The following PRKAG2 variants were observed in gnomAD, a reference collection of about 807,000 sequenced individuals.
The protein encoded by PRKAG2 is protein kinase AMP-activated non-catalytic subunit gamma 2, also known as 5'-AMP-activated protein kinase subunit gamma-2.
A neutral mutation model predicts 69.6 loss-of-function variants in PRKAG2; 26 were observed. That is an observed-to-expected ratio of 0.37 (90% CI 0.27 to 0.52). The LOEUF (loss-of-function observed/expected upper bound fraction) is 0.52. Ranked by LOEUF, PRKAG2 falls within the 20% of genes least tolerant of loss-of-function variation. PRKAG2 has a pLI of 0.90. For missense variants in PRKAG2, 557 were observed against 740.0 expected (o/e 0.75, Z 2.87); for synonymous variants, 293 against 285.0 (o/e 1.03, Z -0.28).
intron 5 of PRKAG2, among the ~76,000 whole-genome samples, chr7:151,626,614 C>A (rs1355954049): frequency 6.6e-6 from 1 of 152,098 alleles, no homozygotes; most frequent in Non-Finnish European, 1.5e-5. Flanking sequence ...GATATCTCCA[C>A]CAGCAGAGGT....
chr7:151,819,132 C>T (rs2078712678), intron 1 of PRKAG2, among the ~76,000 whole-genome samples: 1 of 152,172 alleles, frequency 6.6e-6, no homozygotes, highest in African/African-American at 2.4e-5. Context: ...CTGGCCGGCC[C>T]GCAGCCCACC....
In PRKAG2 at chr7:151,876,716, C is replaced by A; in HGVS notation, c.-96G>T. The stretch of plus-strand genomic sequence containing the variant: ...TGCCTTCGGACTGGAGCCGCGCGCT[C>A]TGTTACACCCTGAAGCCACCTCGTG... On this transcript the variant is annotated 5_prime_UTR_variant, in exon 1 of 16. Coordinates refer to ENST00000287878, the MANE Select transcript of PRKAG2 (RefSeq NM_016203.4). 1 of 1,183,156 alleles carries A rather than the reference C, an allele frequency of 8.5e-7. No homozygotes were observed. Among genetic ancestry groups the A allele is most frequent in the South Asian group, 1.3e-5 (1 of 79,266 alleles). The allele number at this position is 1,183,156 out of a possible 1,614,324, so 73.3% of individuals were successfully genotyped here.
chr7:151,693,822 C>T (rs147546197), intron 3 of PRKAG2, among the ~76,000 whole-genome samples: 1 of 152,332 alleles, frequency 6.6e-6, no homozygotes, highest in African/African-American at 2.4e-5. Flanking sequence ...CAGAATCTAC[C>T]AGCACCTTGG....
intron 15 of PRKAG2, chr7:151,557,568 A>G (rs1201821360): frequency 2.0e-6 from 2 of 985,194 alleles, no homozygotes; most frequent in Non-Finnish European, 1.2e-6. Context: ...TCTTACAAAT[A>G]TGTATTAAAA....
chr7:151,573,965 G>A (rs1033835037), intron 8 of PRKAG2, among the ~76,000 whole-genome samples: 2 of 152,052 alleles, frequency 1.3e-5, no homozygotes, highest in Admixed American at 1.3e-4. Context: ...TTTTAGTAGA[G>A]ACAGGGTTTC....
chr7:151,834,831 G>A (rs766351980), intron 1 of PRKAG2, among the ~76,000 whole-genome samples: 142 of 152,206 alleles, frequency 9.3e-4, no homozygotes, highest in Non-Finnish European at 1.7e-3. Context: ...TCCGGAGCCC[G>A]GAAGTCCGAG....
intron 1 of PRKAG2, among the ~76,000 whole-genome samples, chr7:151,866,222 T>C (rs1288690868): frequency 6.6e-6 from 1 of 152,106 alleles, no homozygotes; most frequent in East Asian, 1.9e-4. Context: ...AGCCTCAGCC[T>C]GACCGTCCAG....
intron 3 of PRKAG2, among the ~76,000 whole-genome samples, chr7:151,746,206 G>A (rs1037188515): frequency 1.3e-5 from 2 of 152,172 alleles, no homozygotes; most frequent in African/African-American, 2.4e-5. Flanking sequence ...TAGGCGATGG[G>A]GCAGGATTTC....
chr7:151,773,028 A>AAAGAAAGAGG (rs767583881), intron 3 of PRKAG2, among the ~76,000 whole-genome samples: 6 of 50,890 alleles, frequency 1.2e-4, no homozygotes, highest in Non-Finnish European at 2.1e-4. Context: ...AAAGAAAGAG[A>AAAGAAAGAGG]GAGAGAGAGA....
chr7:151,713,379 A>G (rs1795623165), intron 3 of PRKAG2, among the ~76,000 whole-genome samples: 1 of 152,188 alleles, frequency 6.6e-6, no homozygotes, highest in African/African-American at 2.4e-5. Context: ...CTTGCAAGCC[A>G]GGCTGTGAAT....
At chr7:151,873,657 G>T (rs112963346) in intron 1 of PRKAG2, among the ~76,000 whole-genome samples, 17 of 152,286 alleles carry the variant, frequency 1.1e-4, no homozygotes, top group African/African-American at 3.9e-4. Context: ...GCTGGCTCAT[G>T]CCAAGAACGT....
At chr7:151,565,652 G>A in intron 12 of PRKAG2, 68 bp downstream of exon 12, 1 of 1,553,858 alleles carries the variant, frequency 6.4e-7, no homozygotes, top group Non-Finnish European at 8.9e-7. Context: ...CCTGTGCCAG[G>A]TCATCTTACA....
chr7:151,735,045 A>G lies in PRKAG2; in HGVS notation c.466+46107T>C, dbSNP rs949188677. Among the ~76,000 whole-genome samples the G allele has an allele frequency of 2.6e-5, 4 of 151,818 alleles. No homozygotes were observed. In the South Asian group the frequency reaches 8.3e-4, roughly 31 times the overall value. The stretch of plus-strand genomic sequence containing the variant: ...AATTTTTTGTATTTTTAGTAGAGAC[A>G]GGGTTTCACCATGTTGGCCAGGCTG... On this transcript the variant is annotated intron_variant, in intron 3 of 15. Transcript: ENST00000287878.
At position 151,850,144 on chromosome 7, in the gene PRKAG2, G is replaced by T. The variant is rs1325738880; in HGVS notation, c.114+26363C>A. Among the ~76,000 whole-genome samples the T allele has an allele frequency of 6.6e-6, 1 of 152,194 alleles. No individual in the cohort carries two copies. Among genetic ancestry groups the T allele is most frequent in the Non-Finnish European group, 1.5e-5 (1 of 68,036 alleles). ...ACAGGTGGCTCAGTGTCTGCAGAAA[G>T]AAGCGGGAGGGGGGTGCAGGGGAAC... is the stretch of plus-strand genomic sequence containing the variant. On this transcript the variant is annotated intron_variant, in intron 1 of 15. Coordinates refer to ENST00000287878, the MANE Select transcript of PRKAG2 (RefSeq NM_016203.4). The surrounding 1 kb of genome is among the most constrained non-coding windows in gnomAD (Gnocchi z 4.1).
intron 3 of PRKAG2, among the ~76,000 whole-genome samples, chr7:151,764,928 C>G (rs968448130): frequency 6.6e-6 from 1 of 152,238 alleles, no homozygotes; most frequent in African/African-American, 2.4e-5. Flanking sequence ...AAGATCATGG[C>G]TGAGAGGCCG....
At chr7:151,581,387 C>T (rs1810433453) in intron 6 of PRKAG2, among the ~76,000 whole-genome samples, 1 of 152,144 alleles carries the variant, frequency 6.6e-6, no homozygotes, top group African/African-American at 2.4e-5. Context: ...CAAGGACTGC[C>T]TTTCTCTAAT....
At chr7:151,606,157 A>G (rs960057001) in intron 5 of PRKAG2, among the ~76,000 whole-genome samples, 1 of 152,156 alleles carries the variant, frequency 6.6e-6, no homozygotes, top group African/African-American at 2.4e-5. Context: ...GGCTTCCCAA[A>G]CTTCTGGGAT....
chr7:151,675,752 TC>T, intron 3 of PRKAG2, 115 bp from the exon 4 acceptor site: 1 of 1,044,420 alleles, frequency 9.6e-7, no homozygotes, highest in Non-Finnish European at 1.5e-6. Context: ...AGGTCCGGCC[TC>T]CAGGAAGGGA....
Position 151,837,120 on chromosome 7 carries a change from G to T in PRKAG2, c.114+39387C>A, listed in dbSNP as rs930068472. ...GAAGACATCACCGTACAGGAGCGGTGGGGAGACAGACCGAATCCCATAAAG... is the reference window on the plus strand; with the variant it reads ...GAAGACATCACCGTACAGGAGCGGTTGGGAGACAGACCGAATCCCATAAAG... On this transcript the variant is annotated intron_variant, in intron 1 of 15. Transcript: ENST00000287878. 2.6e-5 allele frequency: 4 copies of T among 152,378 alleles called. No individual in the cohort carries two copies. In the East Asian group the frequency reaches 7.7e-4, roughly 29 times the overall value. 9.4% of individuals were successfully genotyped at this position (152,378 alleles called of 1,614,324 possible). A position where few individuals can be genotyped will look rare whatever the true frequency, so the allele number is the denominator to read the frequency against.
Sources: allele counts gnomAD v4.1 joint callset (sites outside exome capture counted in the v4.1 genomes callset), GRCh38; gene constraint gnomAD v4.1.1; non-coding constraint Gnocchi (gnomAD v3.1); transcripts MANE v1.5; gene names NCBI Gene and HGNC (gene_info 2026-07-23, HGNC 2026-07-21).